RGPD3: variants seen among roughly 807,000 people sequenced by gnomAD.
RGPD3 encodes RANBP2 like and GRIP domain containing 3.
Under a neutral mutation model 154.5 loss-of-function variants are expected in RGPD3, and 62 were observed. That is an observed-to-expected ratio of 0.40 (90% confidence interval 0.33 to 0.50). The LOEUF (loss-of-function observed/expected upper bound fraction) is 0.50. Ranked by LOEUF, RGPD3 falls within the 20% of genes least tolerant of loss-of-function variation. RGPD3 has a pLI of 0.59. For synonymous variants in RGPD3, 308 were observed against 607.0 expected, an observed-to-expected ratio of 0.51 and a Z score of 7.24; for missense variants, 919 against 1,716.8, an observed-to-expected ratio of 0.54 and a Z score of 8.21.
At chr2:106,466,891 G>A (rs1249370669) in intron 1 of RGPD3, among the ~76,000 whole-genome samples, 3 of 99,628 alleles carry the variant, frequency 3.0e-5, no homozygotes, top group Non-Finnish European at 6.3e-5. Flanking sequence ...CGCCGGGCCG[G>A]GTCGAGGCCG....
intron 1 of RGPD3, among the ~76,000 whole-genome samples, chr2:106,465,456 G>C (rs1257654277): frequency 1.3e-5 from 2 of 151,986 alleles, no homozygotes; most frequent in Non-Finnish European, 2.9e-5. Flanking sequence ...TAATGGAGAA[G>C]TTATGTAGTT....
At position 106,448,913 on chromosome 2, in the gene RGPD3, G is replaced by A. The variant is rs569336513; in HGVS notation, c.783-1300C>T. Among the ~76,000 whole-genome samples the A allele has an allele frequency of 5.3e-5, 8 of 150,754 alleles. No homozygotes were observed. In the South Asian group the frequency reaches 6.3e-4, roughly 12 times the overall value. ...CACCATTGTTAGCTGGGATGGTCTC[G>A]ATCTCCTGACTTCGTGATCCACCCG... On this transcript the variant is annotated intron_variant, in intron 6 of 22. Transcript: ENST00000409886.
At chr2:106,450,881 CA>C (rs56400357) in intron 6 of RGPD3, among the ~76,000 whole-genome samples, 10 of 38,370 alleles carry the variant, frequency 2.6e-4, no homozygotes, top group African/African-American at 6.6e-4. Context: ...GACTCAGTCT[CA>C]AAAAAAAAAG....
intron 6 of RGPD3, among the ~76,000 whole-genome samples, chr2:106,448,710 G>A (rs1228549259): frequency 3.3e-5 from 5 of 150,936 alleles, no homozygotes; most frequent in African/African-American, 1.2e-4. Context: ...TTTGTTTTTG[G>A]AGACAGAATC....
rs1676472750 is a variant in RGPD3, at chr2:106,405,230, C to T, written c.5267-1G>A. On this transcript the variant is annotated splice_acceptor_variant, in intron 22 of 22. Coordinates refer to ENST00000409886, the MANE Select transcript of RGPD3 (RefSeq NM_001144013.2). LOFTEE classifies it high-confidence loss of function. ...GAACGGGAAGCATTTTATTCCTCAC[C>T]TTTGGAAAGTAAAACAAAAAAAAAG... The T allele has an allele frequency of 6.2e-7, 1 of 1,605,940 alleles. No individual in the cohort carries two copies. The highest frequency in any genetic ancestry group is 1.4e-5 in the African/African-American group (1 of 74,058).
upstream of RGPD3, chr2:106,468,416 C>T (rs541098807): frequency 6.6e-6 from 10 of 1,514,962 alleles, no homozygotes; most frequent in Non-Finnish European, 8.9e-6. Flanking sequence ...ACCACTGTGA[C>T]GAACTTGTGT....
intron 6 of RGPD3, among the ~76,000 whole-genome samples, chr2:106,450,705 C>CAA (rs768839840): frequency 0.059 from 2,551 of 43,188 alleles, 33 homozygotes; most frequent in East Asian, 0.09. Flanking sequence ...GACTCTGTCT[C>CAA]AAAAAAAAAA....
intron 20 of RGPD3, among the ~76,000 whole-genome samples, chr2:106,421,520 AG>A (rs1329287958): frequency 6.6e-6 from 1 of 151,132 alleles, no homozygotes; most frequent in Non-Finnish European, 1.5e-5. Flanking sequence ...CTGGTCACTA[AG>A]GGTGAGATTT....
chr2:106,436,097 T>A lies in RGPD3; in HGVS notation c.1758+26A>T, dbSNP rs1343022897. On this transcript the variant is annotated intron_variant, in intron 12 of 22. Coordinates refer to ENST00000409886, the MANE Select transcript of RGPD3 (RefSeq NM_001144013.2). ...TTAAAAAATTAAGGTAATGTTCTTT[T>A]AAAATGCTTATACTTTAAAACTCAC... 1.3e-5 allele frequency: 21 copies of A among 1,573,444 alleles called. No individual in the cohort carries two copies. In the South Asian group the frequency reaches 1.5e-4, roughly 11 times the overall value.
chr2:106,422,529 G>A (rs1677027751), intron 20 of RGPD3, among the ~76,000 whole-genome samples: 1 of 151,922 alleles, frequency 6.6e-6, no homozygotes, highest in African/African-American at 2.4e-5. Flanking sequence ...TTATAGGCAC[G>A]CACCACCACG....
At chr2:106,448,983 G>A (rs955776128) in intron 6 of RGPD3, among the ~76,000 whole-genome samples, 7 of 151,196 alleles carry the variant, frequency 4.6e-5, no homozygotes, top group Non-Finnish European at 7.4e-5. Context: ...GAGCCACCGC[G>A]CCCCGCTGAG....
At position 106,424,139 on chromosome 2, in the gene RGPD3, G is replaced by A; in HGVS notation, c.3828C>T (p.Ser1276=). Residue 1276 remains serine, a synonymous_variant, in exon 20 of 23, where the codon AGC becomes AGT. Transcript: ENST00000409886. ...AGTGGAAAAGATTTTTTCTCACAGG[G>A]CTACTTGCCAATGGAGAAGCATGTA... The part of the protein sequence containing the change: ...SSVHASPLAS[S]PVRKNLFHFD... The A allele has an allele frequency of 1.9e-6, 3 of 1,601,580 alleles. No homozygotes were observed. Among genetic ancestry groups the A allele is most frequent in the South Asian group, 1.1e-5 (1 of 90,712 alleles).
chr2:106,461,701 T>A (rs1250040484), intron 1 of RGPD3, among the ~76,000 whole-genome samples: 6 of 151,082 alleles, frequency 4.0e-5, no homozygotes, highest in East Asian at 2.0e-4. Context: ...CGCATCTAAA[T>A]GAAAAAAATG....
At chr2:106,409,631 C>A (rs1278041095) in intron 22 of RGPD3, among the ~76,000 whole-genome samples, 1 of 151,720 alleles carries the variant, frequency 6.6e-6, no homozygotes, top group East Asian at 2.0e-4. Context: ...AAGTAGATTT[C>A]TTCTTTTTTT....
At chr2:106,467,981 G>T (rs1322349788) in intron 1 of RGPD3, among the ~76,000 whole-genome samples, 2 of 141,252 alleles carry the variant, frequency 1.4e-5, no homozygotes, top group East Asian at 4.3e-4. Flanking sequence ...GCAGGGCCAG[G>T]TCGAGGCCGG....
chr2:106,464,798 A>T (rs1399496704), intron 1 of RGPD3, among the ~76,000 whole-genome samples: 1 of 152,038 alleles, frequency 6.6e-6, no homozygotes, highest in African/African-American at 2.4e-5. Context: ...ATCTCTGCTC[A>T]CCACAACCTC....
intron 22 of RGPD3, among the ~76,000 whole-genome samples, chr2:106,410,453 A>G (rs1312593765): frequency 3.3e-5 from 5 of 152,114 alleles, no homozygotes; most frequent in Non-Finnish European, 5.9e-5. Context: ...AGTCTCTTTT[A>G]GAACTTCTAA....
intron 20 of RGPD3, 131 bp downstream of exon 20, chr2:106,422,912 G>T: frequency 3.2e-6 from 5 of 1,575,490 alleles, no homozygotes; most frequent in Non-Finnish European, 4.3e-6. Context: ...GAAAAAAATT[G>T]CTCAAATATT....
chr2:106,442,055 AC>A (rs1350488058), intron 7 of RGPD3, among the ~76,000 whole-genome samples: 2 of 108,542 alleles, frequency 1.8e-5, no homozygotes, highest in African/African-American at 7.2e-5. Context: ...GGTGGCACAC[AC>A]CTGTGGTCCC....
Sources: allele counts gnomAD v4.1 joint callset (sites outside exome capture counted in the v4.1 genomes callset), GRCh38; gene constraint gnomAD v4.1.1; transcripts MANE v1.5; gene names NCBI Gene and HGNC (gene_info 2026-07-23, HGNC 2026-07-21).